The following ST3GAL1 variants were observed in gnomAD, a reference collection of about 807,000 sequenced individuals.
ST3GAL1 encodes ST3 beta-galactoside alpha-2,3-sialyltransferase 1, also known as CMP-N-acetylneuraminate-beta-galactosamide-alpha-2,3-sialyltransferase 1.
Under a neutral mutation model 34.1 loss-of-function variants are expected in ST3GAL1, and 16 were observed. The observed-to-expected ratio is 0.47, with a 90% CI of 0.32 to 0.71. The LOEUF (loss-of-function observed/expected upper bound fraction) is 0.71, where lower values mean the gene tolerates loss of function less well. Among genes scored for constraint, ST3GAL1 ranks in the 30% least tolerant of loss-of-function variants. The pLI is 0.04. For synonymous variants in ST3GAL1, 191 were observed against 184.7 expected, an observed-to-expected ratio of 1.03 and a Z score of -0.28; for missense variants, 353 against 447.4, an observed-to-expected ratio of 0.79 and a Z score of 1.90.
rs1268794780 is a variant in ST3GAL1, at chr8:133,570,712, C to G, written c.-582+981G>C. ...GCAAGGTCACGCTTAAACACTCGCGCAGAGAAAGGAGGAGCGGAAAGTTGC... is the reference window on the plus strand; with the variant it reads ...GCAAGGTCACGCTTAAACACTCGCGGAGAGAAAGGAGGAGCGGAAAGTTGC... On this transcript the variant is annotated intron_variant, in intron 1 of 9. Transcript: ENST00000522652. This position sits in a 1 kb window ranked among gnomAD's most constrained non-coding sequence, Gnocchi z 5.6. Among the ~76,000 whole-genome samples the G allele has an allele frequency of 6.6e-6, 1 of 152,178 alleles. No homozygotes were observed. The highest frequency in any genetic ancestry group is 1.5e-5 in the Non-Finnish European group (1 of 68,038).
chr8:133,534,622 G>A (rs1314133165), intron 2 of ST3GAL1, among the ~76,000 whole-genome samples: 1 of 152,228 alleles, frequency 6.6e-6, no homozygotes, highest in Non-Finnish European at 1.5e-5. Context: ...AAAGGACCAG[G>A]AGCCCACAGA....
chr8:133,460,036 A>G, intron 9 of ST3GAL1, 99 bp from the exon 10 acceptor site: 5 of 1,299,366 alleles, frequency 3.8e-6, no homozygotes, highest in Non-Finnish European at 3.2e-6. Flanking sequence ...CCACAGGACC[A>G]TAAACAGCAT....
chr8:133,457,745 C>T lies in ST3GAL1; in HGVS notation c.*2019G>A, dbSNP rs1815353806. ...GGAAAAAACCAAACTTGGCACGCAA[C>T]TTCCGGGGACTCTTGTGAATGGCCT... On this transcript the variant is annotated 3_prime_UTR_variant, in exon 10 of 10. Coordinates refer to ENST00000522652, the MANE Select transcript of ST3GAL1 (RefSeq NM_173344.3). 2 of 152,302 alleles carry T rather than the reference C, an allele frequency of 1.3e-5. No homozygotes were observed. The highest frequency in any genetic ancestry group is 4.1e-4 in the South Asian group (2 of 4,820). 9.4% of individuals were successfully genotyped at this position (152,302 alleles called of 1,614,324 possible).
intron 3 of ST3GAL1, among the ~76,000 whole-genome samples, chr8:133,490,850 A>T (rs917787795): frequency 1.3e-5 from 2 of 152,078 alleles, no homozygotes; most frequent in Admixed American, 1.3e-4. Flanking sequence ...TGCACAGGAC[A>T]CCCTGTGGGA....
intron 5 of ST3GAL1, among the ~76,000 whole-genome samples, chr8:133,474,508 C>A (rs1484316372): frequency 3.3e-5 from 5 of 152,300 alleles, no homozygotes; most frequent in South Asian, 2.1e-4. Flanking sequence ...AACCCCCTGA[C>A]AAAAATTCTA....
At position 133,571,714 on chromosome 8, in the gene ST3GAL1, G is replaced by T. The variant is rs1032568119; in HGVS notation, c.-603C>A. On this transcript the variant is annotated 5_prime_UTR_variant, in exon 1 of 10. Coordinates refer to ENST00000522652, the MANE Select transcript of ST3GAL1 (RefSeq NM_173344.3). This position sits in a 1 kb window ranked among gnomAD's most constrained non-coding sequence, Gnocchi z 6.7. Reference sequence around the variant, plus strand: ...TCACCACGGCTGGAGACACGCTGGAGTTTCCGGGATTTGGGCATGAAGGGG... The same window carrying T: ...TCACCACGGCTGGAGACACGCTGGATTTTCCGGGATTTGGGCATGAAGGGG... 10 of 152,572 alleles carry T rather than the reference G, an allele frequency of 6.6e-5. No individual in the cohort carries two copies. Among genetic ancestry groups the T allele is most frequent in the Non-Finnish European group, 1.2e-4 (8 of 68,410 alleles). 9.5% of individuals were successfully genotyped at this position (152,572 alleles called of 1,614,324 possible).
rs973892649 is a variant in ST3GAL1 at position 133,476,102 on chromosome 8, A to G, written c.-50-28T>C. The G allele has an allele frequency of 3.9e-5, 58 of 1,468,896 alleles. No homozygotes were observed. In the African/African-American group the frequency reaches 6.9e-4, roughly 18 times the overall value. 91.0% of individuals were successfully genotyped at this position (1,468,896 alleles called of 1,614,324 possible). A position where few individuals can be genotyped will look rare whatever the true frequency, so the allele number is the denominator to read the frequency against. On this transcript the variant is annotated intron_variant, in intron 4 of 9. Coordinates refer to ENST00000522652, the MANE Select transcript of ST3GAL1 (RefSeq NM_173344.3). Reference sequence around the variant, plus strand: ...AAGAGAGGAGAAAAATGGAAGAAAAATCCCAGAGGTGGAGGCTCAATCAAA... The same window carrying G: ...AAGAGAGGAGAAAAATGGAAGAAAAGTCCCAGAGGTGGAGGCTCAATCAAA...
chr8:133,550,607 C>T (rs528643551), intron 1 of ST3GAL1, among the ~76,000 whole-genome samples: 1 of 152,322 alleles, frequency 6.6e-6, no homozygotes, highest in East Asian at 1.9e-4. Flanking sequence ...ATCCATCCAA[C>T]TGGTAGCCAC....
rs1473349822 is a variant in ST3GAL1, at chr8:133,508,490, T to A, written c.-428-9301A>T. Among the ~76,000 whole-genome samples the A allele has an allele frequency of 6.6e-6, 1 of 152,166 alleles. No individual in the cohort carries two copies. Among genetic ancestry groups the A allele is most frequent in the Non-Finnish European group, 1.5e-5 (1 of 68,032 alleles). ...CACCCTTTCCCTGGAACACTTCCTCTGCAATCTACGTGCACGGAGTCCCAG... is the reference window on the plus strand; with the variant it reads ...CACCCTTTCCCTGGAACACTTCCTCAGCAATCTACGTGCACGGAGTCCCAG... On this transcript the variant is annotated intron_variant, in intron 2 of 9. Coordinates refer to ENST00000522652, the MANE Select transcript of ST3GAL1 (RefSeq NM_173344.3). This position sits in a 1 kb window ranked among gnomAD's most constrained non-coding sequence, Gnocchi z 4.1.
intron 1 of ST3GAL1, among the ~76,000 whole-genome samples, chr8:133,563,426 G>T (rs1220425086): frequency 6.6e-6 from 1 of 152,150 alleles, no homozygotes; most frequent in African/African-American, 2.4e-5. Context: ...ATTATAGAAG[G>T]CCATTGTTTT....
At chr8:133,557,331 A>G (rs1819070173) in intron 1 of ST3GAL1, among the ~76,000 whole-genome samples, 1 of 152,184 alleles carries the variant, frequency 6.6e-6, no homozygotes, top group Admixed American at 6.5e-5. Flanking sequence ...CTCATAGGAT[A>G]TGTGGTACCC....
intron 2 of ST3GAL1, among the ~76,000 whole-genome samples, chr8:133,527,672 C>T (rs536289769): frequency 9.2e-5 from 14 of 152,286 alleles, no homozygotes; most frequent in Admixed American, 3.3e-4. Flanking sequence ...ATCCTAGGCA[C>T]GGGAGAACTA....
chr8:133,492,139 G>A (rs555655586), intron 3 of ST3GAL1, among the ~76,000 whole-genome samples: 13 of 152,250 alleles, frequency 8.5e-5, no homozygotes, highest in African/African-American at 3.1e-4. Context: ...ACCAGCAGAG[G>A]CCCAGCAAGC....
chr8:133,534,889 C>T (rs1344486404), intron 2 of ST3GAL1, among the ~76,000 whole-genome samples: 3 of 152,210 alleles, frequency 2.0e-5, no homozygotes, highest in Non-Finnish European at 4.4e-5. Context: ...ACAGGGTGCT[C>T]TGTGAGTCCA....
chr8:133,487,451 G>C (rs1816650852), intron 3 of ST3GAL1, among the ~76,000 whole-genome samples: 1 of 152,112 alleles, frequency 6.6e-6, no homozygotes, highest in African/African-American at 2.4e-5. Context: ...ATGGCTAGTG[G>C]GGTTGAAAAT....
Position 133,543,525 on chromosome 8 carries a change from G to A in ST3GAL1, c.-429+2249C>T, listed in dbSNP as rs537597035. On this transcript the variant is annotated intron_variant, in intron 2 of 9. Coordinates refer to ENST00000522652, the MANE Select transcript of ST3GAL1 (RefSeq NM_173344.3). The stretch of plus-strand genomic sequence containing the variant: ...AATGCGAACATTTGAAAACCTGGAC[G>A]AAGGAGGTCCAGGAATTTGTTGGCT... Among the ~76,000 whole-genome samples, 15 of 152,136 alleles carry A rather than the reference G, an allele frequency of 9.9e-5. No homozygotes were observed. In the South Asian group the frequency reaches 1.2e-3, roughly 13 times the overall value.
chr8:133,467,468 T>C lies in ST3GAL1; in HGVS notation c.307-1378A>G, dbSNP rs1815787909. ...TCATTTCACTGTGGGTGAGGTAGGATGCTCTGAGGCCAGAGAGGTAAGCAA... is the reference window on the plus strand; with the variant it reads ...TCATTTCACTGTGGGTGAGGTAGGACGCTCTGAGGCCAGAGAGGTAAGCAA... On this transcript the variant is annotated intron_variant, in intron 5 of 9. Transcript: ENST00000522652. The surrounding 1 kb of genome is among the most constrained non-coding windows in gnomAD (Gnocchi z 4.2). Among the ~76,000 whole-genome samples, 2 of 152,220 alleles carry C rather than the reference T, an allele frequency of 1.3e-5. No homozygotes were observed. Among genetic ancestry groups the C allele is most frequent in the Admixed American group, 1.3e-4 (2 of 15,288 alleles).
intron 1 of ST3GAL1, among the ~76,000 whole-genome samples, chr8:133,549,134 C>T (rs1334597168): frequency 6.6e-6 from 1 of 152,266 alleles, no homozygotes; most frequent in East Asian, 1.9e-4. Flanking sequence ...GGCGTGGTGG[C>T]TCACGCCTGT....
At chr8:133,462,031 TG>T (rs1815531524) in intron 8 of ST3GAL1, 37 bp from the exon 9 acceptor site, 1 of 1,613,292 alleles carries the variant, frequency 6.2e-7, no homozygotes, top group South Asian at 1.1e-5. Flanking sequence ...TAGTGAGTTC[TG>T]GGGGGCAAAG....
Sources: gnomAD v4.1 joint callset for allele counts (sites outside exome capture counted in the v4.1 genomes callset) on GRCh38, gnomAD v4.1.1 for gene constraint, Gnocchi (gnomAD v3.1) non-coding constraint, MANE v1.5 for transcripts, NCBI Gene and HGNC (gene_info 2026-07-23, HGNC 2026-07-21) for gene names.